NOS1AP: variants seen among roughly 807,000 people sequenced by gnomAD.
NOS1AP encodes the protein carboxyl-terminal PDZ ligand of neuronal nitric oxide synthase protein.
NOS1AP carries 21 observed loss-of-function variants against 56.2 expected under a neutral mutation model. That is an observed-to-expected ratio of 0.37 (90% CI 0.26 to 0.54). The LOEUF (loss-of-function observed/expected upper bound fraction) is 0.54. Among genes scored for constraint, NOS1AP ranks in the 20% least tolerant of loss-of-function variants. The probability of loss-of-function intolerance (pLI) is 0.84; values close to 1 mark genes in which losing one functional copy is unlikely to be tolerated. For missense variants in NOS1AP, 522 were observed against 657.8 expected (o/e 0.79, Z 2.26); for synonymous variants, 270 against 274.6 (o/e 0.98, Z 0.17).
At chr1:162,181,662 A>T (rs1312750611) in intron 2 of NOS1AP, among the ~76,000 whole-genome samples, 1 of 152,218 alleles carries the variant, frequency 6.6e-6, no homozygotes, top group African/African-American at 2.4e-5. Context: ...TGTTGACATG[A>T]ACTGCTCACT....
At chr1:162,214,047 A>G (rs576312246) in intron 2 of NOS1AP, among the ~76,000 whole-genome samples, 1 of 152,312 alleles carries the variant, frequency 6.6e-6, no homozygotes, top group South Asian at 2.1e-4. Flanking sequence ...CCTGCCTTCA[A>G]GGGCTTAAGG....
chr1:162,155,598 C>T (rs577121018), intron 2 of NOS1AP, among the ~76,000 whole-genome samples: 32 of 151,978 alleles, frequency 2.1e-4, no homozygotes, highest in South Asian at 2.1e-4. Flanking sequence ...TGTCTACTTT[C>T]GGAAAGTTCA....
At chr1:162,249,253 A>AC (rs1349040588) in intron 2 of NOS1AP, among the ~76,000 whole-genome samples, 10 of 152,146 alleles carry the variant, frequency 6.6e-5, no homozygotes, top group African/African-American at 2.4e-4. Context: ...CTAGTCCAGC[A>AC]CCAGATACCC....
intron 1 of NOS1AP, among the ~76,000 whole-genome samples, chr1:162,143,437 A>G (rs1649320125): frequency 1.3e-5 from 2 of 152,114 alleles, no homozygotes; most frequent in Non-Finnish European, 2.9e-5. Flanking sequence ...TACAAAGAAT[A>G]TTATCTCCTT....
At chr1:162,093,750 A>G (rs1036522741) in intron 1 of NOS1AP, among the ~76,000 whole-genome samples, 3 of 152,002 alleles carry the variant, frequency 2.0e-5, no homozygotes, top group African/African-American at 7.2e-5. Flanking sequence ...TCGAGGTCTC[A>G]CTATATTGCC....
At chr1:162,247,503 G>A (rs1305876524) in intron 2 of NOS1AP, among the ~76,000 whole-genome samples, 1 of 152,120 alleles carries the variant, frequency 6.6e-6, no homozygotes, top group Non-Finnish European at 1.5e-5. Context: ...TGCTTATTTT[G>A]CAAGATGAGT....
At chr1:162,164,376 A>G (rs1650378038) in intron 2 of NOS1AP, among the ~76,000 whole-genome samples, 2 of 152,238 alleles carry the variant, frequency 1.3e-5, no homozygotes, top group Non-Finnish European at 2.9e-5. Context: ...CACACACAAC[A>G]TAATTATCAT....
At chr1:162,342,579 T>C in intron 5 of NOS1AP, 1 of 493,012 alleles carries the variant, frequency 2.0e-6, no homozygotes, top group Non-Finnish European at 4.2e-6. Flanking sequence ...CATTGTAATA[T>C]GAGCTTCATT....
intron 1 of NOS1AP, among the ~76,000 whole-genome samples, chr1:162,099,046 G>A (rs1250051992): frequency 1.3e-5 from 2 of 152,154 alleles, no homozygotes; most frequent in Non-Finnish European, 2.9e-5. Context: ...GGATTGCTGG[G>A]TTGAATGGTA....
At chr1:162,217,994 C>T (rs183420799) in intron 2 of NOS1AP, among the ~76,000 whole-genome samples, 2 of 152,326 alleles carry the variant, frequency 1.3e-5, no homozygotes, top group Admixed American at 6.5e-5. Flanking sequence ...CAGTGCTGTT[C>T]TTCTTGCTAC....
At chr1:162,343,179 A>G (rs183770511) in intron 5 of NOS1AP, among the ~76,000 whole-genome samples, 1 of 152,304 alleles carries the variant, frequency 6.6e-6, no homozygotes, top group African/African-American at 2.4e-5. Flanking sequence ...ACTGGGAACT[A>G]GGGTCAAGTT....
At chr1:162,134,803 A>C (rs1404969622) in intron 1 of NOS1AP, among the ~76,000 whole-genome samples, 1 of 152,120 alleles carries the variant, frequency 6.6e-6, no homozygotes, top group Non-Finnish European at 1.5e-5. Flanking sequence ...TATAAACCTG[A>C]TCAAAGTTCG....
intron 2 of NOS1AP, among the ~76,000 whole-genome samples, chr1:162,269,095 C>A (rs1557857329): frequency 6.6e-6 from 1 of 152,208 alleles, no homozygotes; most frequent in Non-Finnish European, 1.5e-5. Context: ...AGATCAATTT[C>A]TTTGCCAAAC....
At chr1:162,236,540 C>T (rs1298881896) in intron 2 of NOS1AP, among the ~76,000 whole-genome samples, 1 of 152,220 alleles carries the variant, frequency 6.6e-6, no homozygotes, top group Non-Finnish European at 1.5e-5. Context: ...AAAGCACACC[C>T]TTTGCCCATA....
chr1:162,092,104 A>G (rs1692149598), intron 1 of NOS1AP, among the ~76,000 whole-genome samples: 1 of 152,220 alleles, frequency 6.6e-6, no homozygotes. Context: ...TTGGCATTGC[A>G]GCTTGTCCTG....
Position 162,129,197 on chromosome 1 carries a change from G to A in NOS1AP, c.106-25208G>A, listed in dbSNP as rs907721884. Among the ~76,000 whole-genome samples, 10 of 151,998 alleles carry A rather than the reference G, an allele frequency of 6.6e-5. No individual in the cohort carries two copies. The East Asian group carries it at 9.6e-4, about 15-fold the overall frequency. ...GACTCACTTAAGCCTTCATCTGACC[G>A]TTCTAGCCCTCTGTGATCTGTCTTT... On this transcript the variant is annotated intron_variant, in intron 1 of 9. Coordinates refer to ENST00000361897, the MANE Select transcript of NOS1AP (RefSeq NM_014697.3).
chr1:162,217,570 G>C (rs1294538268), intron 2 of NOS1AP, among the ~76,000 whole-genome samples: 2 of 152,052 alleles, frequency 1.3e-5, no homozygotes, highest in Non-Finnish European at 2.9e-5. Context: ...TGGCCTTGTT[G>C]TTGGCTTTTT....
chr1:162,157,887 C>G (rs1038856730), intron 2 of NOS1AP, among the ~76,000 whole-genome samples: 4 of 151,922 alleles, frequency 2.6e-5, no homozygotes, highest in African/African-American at 9.7e-5. Context: ...GTGCTTTCCT[C>G]TTCCCTCTCT....
At chr1:162,103,333 AG>A (rs916750243) in intron 1 of NOS1AP, among the ~76,000 whole-genome samples, 3 of 151,638 alleles carry the variant, frequency 2.0e-5, no homozygotes, top group African/African-American at 7.3e-5. Flanking sequence ...GCGTTTGCTG[AG>A]GAGTATTTTA....
Sources: allele counts gnomAD v4.1 joint callset (sites outside exome capture counted in the v4.1 genomes callset), GRCh38; gene constraint gnomAD v4.1.1; transcripts MANE v1.5; gene names NCBI Gene and HGNC (gene_info 2026-07-23, HGNC 2026-07-21).